NEK9: variants seen among roughly 807,000 people sequenced by gnomAD.
NEK9 encodes the protein serine/threonine-protein kinase Nek9.
NEK9 carries 75 observed loss-of-function variants against 123.4 expected under a neutral mutation model. The ratio of observed to expected loss-of-function variants is 0.61; its 90% CI spans 0.50 to 0.74. The LOEUF (loss-of-function observed/expected upper bound fraction) is 0.74, where lower values mean the gene tolerates loss of function less well. Among genes scored for constraint, NEK9 ranks in the 30% least tolerant of loss-of-function variants. NEK9 has a pLI of 0.00. For synonymous variants in NEK9, 438 were observed against 458.7 expected (o/e 0.95, Z 0.58); for missense variants, 952 against 1,214.4 (o/e 0.78, Z 3.21).
chr14:75,080,008 T>C lies in NEK9; in HGVS notation c.*4556A>G, dbSNP rs1893822726. Reference sequence around the variant, plus strand: ...AATGCCTTAAGTGTTCCCTTTAATCTCTACATGTTTAGGCCTTGGTTATAT... The same window carrying C: ...AATGCCTTAAGTGTTCCCTTTAATCCCTACATGTTTAGGCCTTGGTTATAT... On this transcript the variant is annotated 3_prime_UTR_variant, in exon 22 of 22. Transcript: ENST00000238616. 2.0e-5 allele frequency: 3 copies of C among 152,196 alleles called. No homozygotes were observed. The highest frequency in any genetic ancestry group is 4.8e-5 in the African/African-American group (2 of 41,448). 9.4% of individuals were successfully genotyped at this position (152,196 alleles called of 1,614,324 possible). A position where few individuals can be genotyped will look rare whatever the true frequency, so the allele number is the denominator to read the frequency against.
chr14:75,123,584 G>C (rs1167147676), intron 2 of NEK9, among the ~76,000 whole-genome samples: 2 of 152,096 alleles, frequency 1.3e-5, no homozygotes, highest in South Asian at 2.1e-4. Flanking sequence ...TCAGGGACCA[G>C]ATAAATAGGG....
intron 8 of NEK9, among the ~76,000 whole-genome samples, chr14:75,112,689 G>A (rs1315186026): frequency 2.0e-5 from 3 of 152,176 alleles, no homozygotes; most frequent in Non-Finnish European, 2.9e-5. Flanking sequence ...AGGCATGATG[G>A]TGCACACCTG....
intron 21 of NEK9, 195 bp from the exon 22 acceptor site, chr14:75,084,881 G>A (rs1893972907): frequency 3.5e-6 from 2 of 573,138 alleles, no homozygotes; most frequent in Non-Finnish European, 5.9e-6. Flanking sequence ...TGCAGGTAGG[G>A]TGACCAACTA....
intron 4 of NEK9, 150 bp downstream of exon 4, chr14:75,120,360 A>C: frequency 1.9e-6 from 1 of 535,810 alleles, no homozygotes; most frequent in South Asian, 2.7e-5. Context: ...AGTGAAAATA[A>C]TATTGCTCAT....
intron 5 of NEK9, among the ~76,000 whole-genome samples, chr14:75,118,167 T>G (rs1305027018): frequency 1.3e-5 from 2 of 152,098 alleles, no homozygotes; most frequent in East Asian, 1.9e-4. Flanking sequence ...CTCCAAACCC[T>G]AAACATCTAA....
At chr14:75,100,854 A>C (rs1894551229) in intron 16 of NEK9, 138 bp downstream of exon 16, 1 of 823,550 alleles carries the variant, frequency 1.2e-6, no homozygotes, top group Non-Finnish European at 1.8e-6. Flanking sequence ...AATATATATA[A>C]CCGGCCACCA....
At chr14:75,108,125 CTTT>C (rs528274966) in intron 10 of NEK9, among the ~76,000 whole-genome samples, 4 of 141,954 alleles carry the variant, frequency 2.8e-5, no homozygotes, top group Non-Finnish European at 3.1e-5. Context: ...GACTTTTCAA[CTTT>C]TTTTTTTTTT....
intron 16 of NEK9, among the ~76,000 whole-genome samples, chr14:75,098,760 G>A (rs1894469412): frequency 6.6e-6 from 1 of 152,142 alleles, no homozygotes; most frequent in South Asian, 2.1e-4. Flanking sequence ...ACATCAAGAG[G>A]TAATATGCCC....
chr14:75,104,987 GA>G (rs1894721817), intron 13 of NEK9, among the ~76,000 whole-genome samples: 1 of 152,220 alleles, frequency 6.6e-6, no homozygotes, highest in Non-Finnish European at 1.5e-5. Context: ...GACAGTTACA[GA>G]AATTCAGTAG....
chr14:75,094,854 A>G (rs1051221710), intron 18 of NEK9, among the ~76,000 whole-genome samples: 3 of 152,214 alleles, frequency 2.0e-5, no homozygotes, highest in Non-Finnish European at 2.9e-5. Context: ...TCTAGCAGGT[A>G]GAAAACCAAA....
chr14:75,084,827 G>A (rs972428011), intron 21 of NEK9, 141 bp from the exon 22 acceptor site: 10 of 980,870 alleles, frequency 1.0e-5, no homozygotes, highest in Non-Finnish European at 1.5e-5. Context: ...CTTGTGAGAC[G>A]CTCATGGCAC....
chr14:75,120,631 G>T, intron 3 of NEK9, 51 bp from the exon 4 acceptor site: 2 of 1,363,096 alleles, frequency 1.5e-6, no homozygotes, highest in Non-Finnish European at 2.1e-6. Context: ...CTCCATTTAA[G>T]TAAATACACA....
In NEK9 at chr14:75,083,193, T is replaced by TCATCAAAGACA. The variant is rs1457510682; in HGVS notation, c.*1370_*1371insTGTCTTTGATG. On this transcript the variant is annotated 3_prime_UTR_variant, in exon 22 of 22. Transcript: ENST00000238616. ...TTTATAGGAAGGTGGGATGTGAGAC[T>TCATCAAAGACA]CATCAAAGGTAGGATGTGTGACACA... 2 of 397,956 alleles carry TCATCAAAGACA rather than the reference T, an allele frequency of 5.0e-6. No homozygotes were observed. The highest frequency in any genetic ancestry group is 8.8e-6 in the Non-Finnish European group (2 of 226,010). 24.7% of individuals were successfully genotyped at this position (397,956 alleles called of 1,614,324 possible).
At chr14:75,095,328 C>T (rs768790632) in intron 18 of NEK9, 44 bp downstream of exon 18, 1 of 1,445,168 alleles carries the variant, frequency 6.9e-7, no homozygotes, top group Admixed American at 1.9e-5. Flanking sequence ...ACCAAAAGAC[C>T]CACACTTCAG....
rs544442273 is a variant in NEK9, at chr14:75,084,169, C to T, written c.*395G>A. The T allele has an allele frequency of 5.5e-5, 11 of 199,388 alleles. No individual in the cohort carries two copies. In the South Asian group the frequency reaches 1.1e-3, roughly 20 times the overall value. The allele number at this position is 199,388 out of a possible 1,614,324, so 12.4% of individuals were successfully genotyped here. Reference sequence around the variant, plus strand: ...CCTCTCCCACCCAGAGGGGTAATGCCTGGTACTGAATTCCCAAGGCAGCTT... The same window carrying T: ...CCTCTCCCACCCAGAGGGGTAATGCTTGGTACTGAATTCCCAAGGCAGCTT... On this transcript the variant is annotated 3_prime_UTR_variant, in exon 22 of 22. Coordinates refer to ENST00000238616, the MANE Select transcript of NEK9 (RefSeq NM_033116.6).
chr14:75,109,485 G>A (rs1894888566), intron 10 of NEK9, among the ~76,000 whole-genome samples, 200 bp downstream of exon 10: 1 of 151,998 alleles, frequency 6.6e-6, no homozygotes, highest in Non-Finnish European at 1.5e-5. Flanking sequence ...ACATTTATAG[G>A]TGACCTAATA....
chr14:75,121,232 T>C (rs914776809), intron 2 of NEK9, 58 bp from the exon 3 acceptor site: 15 of 1,371,742 alleles, frequency 1.1e-5, no homozygotes, highest in Middle Eastern at 1.9e-4. Flanking sequence ...GCTTGGCTCC[T>C]GTAACAGGTT....
Position 75,095,436 on chromosome 14 carries a change from G to GA in NEK9, c.2174-6dup, listed in dbSNP as rs775138762. 3 of 1,610,250 alleles carry GA rather than the reference G, an allele frequency of 1.9e-6. No individual in the cohort carries two copies. The highest frequency in any genetic ancestry group is 2.5e-6 in the Non-Finnish European group (3 of 1,177,226). On this transcript the variant is annotated splice_region_variant and splice_polypyrimidine_tract_variant and intron_variant, in intron 17 of 21. Coordinates refer to ENST00000238616, the MANE Select transcript of NEK9 (RefSeq NM_033116.6). ...TCTTAGAATTCAATACTTTCTCTGA[G>GA]AAAAAATATTTGGTAGGTAAGCACT...
chr14:75,111,817 G>C (rs1407592612), intron 8 of NEK9, among the ~76,000 whole-genome samples: 1 of 152,180 alleles, frequency 6.6e-6, no homozygotes, highest in Admixed American at 6.5e-5. Flanking sequence ...CTTAAACCTG[G>C]CAGGTGGAGG....
Sources: allele counts gnomAD v4.1 joint callset (sites outside exome capture counted in the v4.1 genomes callset), GRCh38; gene constraint gnomAD v4.1.1; transcripts MANE v1.5; gene names NCBI Gene and HGNC (gene_info 2026-07-23, HGNC 2026-07-21).